PRTFDC1: variants seen among roughly 807,000 people sequenced by gnomAD.
The protein encoded by PRTFDC1 is phosphoribosyltransferase domain-containing protein 1.
In PRTFDC1, 38 loss-of-function variants were observed where a neutral mutation model predicts 34.6. That is an observed-to-expected ratio of 1.10 (90% CI 0.85 to 1.44). The LOEUF is 1.44. PRTFDC1 is among the 40% of genes most tolerant of loss of function. The pLI, the probability that PRTFDC1 is intolerant of heterozygous loss-of-function variation, is 0.00. For synonymous variants in PRTFDC1, 93 were observed against 98.1 expected (o/e 0.95, Z 0.31); for missense variants, 270 against 283.0 (o/e 0.95, Z 0.33).
chr10:24,875,175 T>A (rs1026506589), intron 3 of PRTFDC1, among the ~76,000 whole-genome samples: 1 of 152,244 alleles, frequency 6.6e-6, no homozygotes, highest in Non-Finnish European at 1.5e-5. Flanking sequence ...TACAATGCGA[T>A]GTTATGATAC....
intron 3 of PRTFDC1, among the ~76,000 whole-genome samples, chr10:24,891,454 T>G (rs1487250875): frequency 6.6e-6 from 1 of 152,124 alleles, no homozygotes; most frequent in Non-Finnish European, 1.5e-5. Context: ...CTTGCCTAGA[T>G]GGAGTAACAA....
chr10:24,907,183 A>G (rs1289994509), intron 3 of PRTFDC1, among the ~76,000 whole-genome samples: 1 of 151,774 alleles, frequency 6.6e-6, no homozygotes, highest in Non-Finnish European at 1.5e-5. Context: ...CTGCACTCCA[A>G]CTTGGGCAAG....
chr10:24,932,482 G>A (rs1341158266), intron 3 of PRTFDC1, among the ~76,000 whole-genome samples: 1 of 151,776 alleles, frequency 6.6e-6, no homozygotes, highest in African/African-American at 2.4e-5. Flanking sequence ...AAAATTAATA[G>A]TATTTCTAAA....
chr10:24,948,983 T>A lies in PRTFDC1; in HGVS notation c.48+3545A>T, dbSNP rs193125227. On this transcript the variant is annotated intron_variant, in intron 1 of 8. Transcript: ENST00000320152. Reference sequence around the variant, plus strand: ...CCATTTGCTACTTATGCGACCTGGGTGATTTACTTAATCTCTCAGTGCCTC... The same window carrying A: ...CCATTTGCTACTTATGCGACCTGGGAGATTTACTTAATCTCTCAGTGCCTC... Among the ~76,000 whole-genome samples, 65 of 152,306 alleles carry A rather than the reference T, an allele frequency of 4.3e-4. No individual in the cohort carries two copies. The East Asian group carries it at 0.012, about 28-fold the overall frequency.
chr10:24,909,889 G>A (rs563676084), intron 3 of PRTFDC1, among the ~76,000 whole-genome samples: 10 of 152,132 alleles, frequency 6.6e-5, no homozygotes, highest in African/African-American at 1.7e-4. Context: ...GTTGGCTCAT[G>A]CCTATAATCC....
intron 3 of PRTFDC1, among the ~76,000 whole-genome samples, chr10:24,906,211 T>G (rs1848532320): frequency 6.6e-6 from 1 of 152,170 alleles, no homozygotes; most frequent in Non-Finnish European, 1.5e-5. Context: ...CTCATTGCTT[T>G]CTCTGACTCC....
At chr10:24,938,824 C>G (rs574614480) in intron 2 of PRTFDC1, among the ~76,000 whole-genome samples, 41 of 152,278 alleles carry the variant, frequency 2.7e-4, no homozygotes, top group African/African-American at 9.6e-4. Flanking sequence ...CAAGAAAGCT[C>G]AGGGGAAAGT....
intron 7 of PRTFDC1, 110 bp downstream of exon 7, chr10:24,855,208 A>G (rs1018470128): frequency 9.2e-7 from 1 of 1,091,406 alleles, no homozygotes; most frequent in Non-Finnish European, 1.3e-6. Flanking sequence ...ACAGTTTCAA[A>G]TCCACATGCA....
Position 24,858,391 on chromosome 10 carries a change from C to A in PRTFDC1, c.423+1G>T, listed in dbSNP as rs1366377903. 3.1e-6 allele frequency: 5 copies of A among 1,613,220 alleles called. No homozygotes were observed. The East Asian group carries it at 1.1e-4, about 36-fold the overall frequency. On this transcript the variant is annotated splice_donor_variant, in intron 5 of 8. Transcript: ENST00000320152. LOFTEE classifies it high-confidence loss of function. ...GTATGGAAAAGGAAATGCCAGCTTA[C>A]CTCAACAATGAGAACATTCTGAAAT...
chr10:24,947,880 G>A lies in PRTFDC1; in HGVS notation c.48+4648C>T, dbSNP rs527699261. ...CCTAGCCCTAGAGCCAGGGAAGGAG[G>A]TACCCTGGGAAGGGCCCCACCTCAC... On this transcript the variant is annotated intron_variant, in intron 1 of 8. Coordinates refer to ENST00000320152, the MANE Select transcript of PRTFDC1 (RefSeq NM_020200.7). 9.2e-5 allele frequency among the ~76,000 whole-genome samples: 14 copies of A among 152,098 alleles called. No individual in the cohort carries two copies. The South Asian group carries it at 2.7e-3, about 29-fold the overall frequency.
At chr10:24,873,876 C>T (rs1456351674) in intron 3 of PRTFDC1, among the ~76,000 whole-genome samples, 4 of 135,104 alleles carry the variant, frequency 3.0e-5, no homozygotes, top group African/African-American at 1.1e-4. Flanking sequence ...GCTGCTCAAA[C>T]GAAAAAAAAA....
At chr10:24,921,543 A>G (rs1848788152) in intron 3 of PRTFDC1, among the ~76,000 whole-genome samples, 1 of 151,866 alleles carries the variant, frequency 6.6e-6, no homozygotes, top group South Asian at 2.1e-4. Context: ...CTCATCACCA[A>G]CTGCTGGCCT....
At chr10:24,856,319 G>T (rs747280390) in intron 6 of PRTFDC1, among the ~76,000 whole-genome samples, 81 of 151,738 alleles carry the variant, frequency 5.3e-4, no homozygotes, top group Non-Finnish European at 1.0e-3. Context: ...GGGTGCAGTG[G>T]CTCGTGCCTG....
chr10:24,928,932 C>G (rs1318942553), intron 3 of PRTFDC1, among the ~76,000 whole-genome samples: 2 of 150,666 alleles, frequency 1.3e-5, no homozygotes, highest in East Asian at 4.0e-4. Flanking sequence ...CCCAGCTATT[C>G]GGGAGGCTGA....
chr10:24,863,617 C>T (rs1847722807), intron 4 of PRTFDC1, among the ~76,000 whole-genome samples: 1 of 152,162 alleles, frequency 6.6e-6, no homozygotes, highest in Non-Finnish European at 1.5e-5. Flanking sequence ...GATAGTGATT[C>T]CTCTGATGGA....
intron 3 of PRTFDC1, among the ~76,000 whole-genome samples, chr10:24,883,236 C>T (rs1351873665): frequency 2.0e-5 from 3 of 151,892 alleles, no homozygotes; most frequent in Non-Finnish European, 4.4e-5. Flanking sequence ...ACTCTCCAAA[C>T]ATGATGTGAC....
chr10:24,878,718 CA>C (rs1260175747), intron 3 of PRTFDC1, among the ~76,000 whole-genome samples: 1 of 152,070 alleles, frequency 6.6e-6, no homozygotes, highest in Non-Finnish European at 1.5e-5. Context: ...TGAGAACATT[CA>C]GGAAAAAAAC....
intron 2 of PRTFDC1, among the ~76,000 whole-genome samples, chr10:24,937,598 C>T (rs572838277): frequency 5.3e-5 from 8 of 150,596 alleles, no homozygotes; most frequent in Admixed American, 1.3e-4. Flanking sequence ...CACTCTGTTG[C>T]CCAGGCTGCA....
chr10:24,855,421 A>G (rs1847556789), intron 6 of PRTFDC1, 57 bp from the exon 7 acceptor site: 41 of 1,582,074 alleles, frequency 2.6e-5, no homozygotes, highest in Non-Finnish European at 3.5e-5. Flanking sequence ...TGAATTGTAA[A>G]TAGAATCAAG....
Sources: gnomAD v4.1 joint callset for allele counts (sites outside exome capture counted in the v4.1 genomes callset) on GRCh38, gnomAD v4.1.1 for gene constraint, MANE v1.5 for transcripts, NCBI Gene and HGNC (gene_info 2026-07-23, HGNC 2026-07-21) for gene names.